Variants in AKAP19 observed in about 807,000 individuals in gnomAD.
The protein encoded by AKAP19 is small A-kinase anchoring protein.
chr2:189,918,112 A>G, the AKAP19 span, among the ~76,000 whole-genome samples: 1 of 151,868 alleles, frequency 6.6e-6, no homozygotes. Flanking sequence ...CCTATTTATA[A>G]TTGTCTTAAG....
chr2:190,093,646 C>G, the AKAP19 span, among the ~76,000 whole-genome samples: 1 of 152,098 alleles, frequency 6.6e-6, no homozygotes, highest in Non-Finnish European at 1.5e-5. Flanking sequence ...CATATTTCCC[C>G]TTCTTCATCC....
chr2:190,180,548 T>G, the AKAP19 span: 1 of 985,702 alleles, frequency 1.0e-6, no homozygotes, highest in South Asian at 4.7e-5. This position sits in a 1 kb window ranked among gnomAD's most constrained non-coding sequence, Gnocchi z 6.8. Flanking sequence ...CTGTTCCCGC[T>G]GCGGCGCCGG....
At chr2:190,141,772 G>A in the AKAP19 span, among the ~76,000 whole-genome samples, 1 of 152,186 alleles carries the variant, frequency 6.6e-6, no homozygotes, top group Non-Finnish European at 1.5e-5. Flanking sequence ...GGGGCTTGCT[G>A]CCCAATGTGC....
chr2:190,147,415 A>G, the AKAP19 span, among the ~76,000 whole-genome samples: 1 of 152,188 alleles, frequency 6.6e-6, no homozygotes. Flanking sequence ...CTTATAGTAT[A>G]GTTTGAAATC....
At chr2:190,199,872 G>T in the AKAP19 span, 3 of 1,613,628 alleles carry the variant, frequency 1.9e-6, no homozygotes, top group Non-Finnish European at 2.5e-6. Context: ...TGGGCTGCAT[G>T]AAATCAAAGC....
At chr2:190,002,776 A>T in the AKAP19 span, among the ~76,000 whole-genome samples, 1 of 152,132 alleles carries the variant, frequency 6.6e-6, no homozygotes, top group African/African-American at 2.4e-5. Context: ...ACCTACAGAG[A>T]TGCCAAACTC....
At chr2:189,899,470 T>A in the AKAP19 span, among the ~76,000 whole-genome samples, 2 of 152,210 alleles carry the variant, frequency 1.3e-5, no homozygotes, top group Non-Finnish European at 2.9e-5. Context: ...TTCATTGAGA[T>A]AATTGGTAAC....
At chr2:190,089,639 A>G in the AKAP19 span, 1 of 152,164 alleles carries the variant, frequency 6.6e-6, no homozygotes, top group Admixed American at 6.6e-5. Flanking sequence ...TCTAATTTCA[A>G]TATTACATGT....
At chr2:189,892,223 A>G in the AKAP19 span, among the ~76,000 whole-genome samples, 1 of 151,914 alleles carries the variant, frequency 6.6e-6, no homozygotes, top group Non-Finnish European at 1.5e-5. Context: ...ACCTTCTGAA[A>G]CTTACTTCCA....
At chr2:190,007,750 C>T in the AKAP19 span, among the ~76,000 whole-genome samples, 85 of 152,282 alleles carry the variant, frequency 5.6e-4, 1 homozygote, top group African/African-American at 1.8e-3. Flanking sequence ...TGCCTGAGCT[C>T]AGGAGTTCGA....
At chr2:190,054,903 T>C in the AKAP19 span, among the ~76,000 whole-genome samples, 1 of 152,170 alleles carries the variant, frequency 6.6e-6, no homozygotes, top group Non-Finnish European at 1.5e-5. Flanking sequence ...GTTCAACCAT[T>C]GTGGAAGTCA....
chr2:189,979,657 A>G, the AKAP19 span, among the ~76,000 whole-genome samples: 2 of 152,150 alleles, frequency 1.3e-5, no homozygotes, highest in Non-Finnish European at 2.9e-5. Flanking sequence ...GGGAGAAAAT[A>G]TTTGCAAACT....
chr2:189,958,354 T>C, the AKAP19 span, among the ~76,000 whole-genome samples: 1 of 152,004 alleles, frequency 6.6e-6, no homozygotes, highest in Non-Finnish European at 1.5e-5. Flanking sequence ...GGCTTAAATT[T>C]AAAATTCTGA....
chr2:190,010,026 A>C, the AKAP19 span, among the ~76,000 whole-genome samples: 1 of 152,258 alleles, frequency 6.6e-6, no homozygotes. Flanking sequence ...AGTAAAGGCC[A>C]AAAATACATT....
the AKAP19 span, among the ~76,000 whole-genome samples, chr2:189,934,489 A>G: frequency 6.6e-6 from 1 of 151,962 alleles, no homozygotes; most frequent in Admixed American, 6.6e-5. Context: ...TTTAGAGGGA[A>G]ACATTTTTTG....
chr2:190,096,869 G>A, the AKAP19 span, among the ~76,000 whole-genome samples: 4 of 152,122 alleles, frequency 2.6e-5, no homozygotes, highest in African/African-American at 9.7e-5. Context: ...CATGGTGGAA[G>A]ACAGAAAGGC....
chr2:189,930,188 G>A, the AKAP19 span: 1 of 166,398 alleles, frequency 6.0e-6, no homozygotes, highest in Non-Finnish European at 1.3e-5. Flanking sequence ...CCTAATCCCT[G>A]GTTCTTTGGG....
the AKAP19 span, among the ~76,000 whole-genome samples, chr2:190,181,783 A>G: frequency 7.5e-4 from 114 of 152,308 alleles, no homozygotes; most frequent in African/African-American, 2.7e-3. Flanking sequence ...AAATTTTTAG[A>G]TAAGAATTCG....
chr2:190,005,377 A>C, the AKAP19 span, among the ~76,000 whole-genome samples: 2 of 151,916 alleles, frequency 1.3e-5, no homozygotes, highest in South Asian at 4.2e-4. Flanking sequence ...GTGCTGATTG[A>C]TGCATTTACA....
Sources: allele counts gnomAD v4.1 joint callset (sites outside exome capture counted in the v4.1 genomes callset), GRCh38; gene constraint gnomAD v4.1.1; non-coding constraint Gnocchi (gnomAD v3.1); transcripts MANE v1.5; gene names NCBI Gene and HGNC (gene_info 2026-07-23, HGNC 2026-07-21).